AGMO: variants seen among roughly 807,000 people sequenced by gnomAD.
AGMO encodes glyceryl-ether monooxygenase.
Under a neutral mutation model 60.2 loss-of-function variants are expected in AGMO, and 75 were observed. The observed-to-expected ratio is 1.25, with a 90% CI of 1.03 to 1.51. The LOEUF is 1.51. Among genes scored for constraint, AGMO ranks in the 40% most tolerant of loss-of-function variants. AGMO has a pLI of 0.00. For synonymous variants in AGMO, 261 were observed against 177.1 expected (o/e 1.47, Z -3.76); for missense variants, 763 against 525.5 (o/e 1.45, Z -4.42).
chr7:15,399,810 T>C (rs1784507541), intron 5 of AGMO, among the ~76,000 whole-genome samples: 1 of 152,198 alleles, frequency 6.6e-6, no homozygotes, highest in African/African-American at 2.4e-5. Flanking sequence ...AGACTCCTTG[T>C]AATGAACCAA....
chr7:15,122,252 C>T, the AGMO span, among the ~76,000 whole-genome samples: 2 of 152,088 alleles, frequency 1.3e-5, no homozygotes, highest in Non-Finnish European at 2.9e-5. Context: ...ACGATATGAA[C>T]AGACACTTCT....
intron 4 of AGMO, among the ~76,000 whole-genome samples, chr7:15,426,868 G>T (rs908372412): frequency 1.1e-4 from 16 of 152,162 alleles, no homozygotes; most frequent in African/African-American, 3.6e-4. Context: ...TAGATTGAGA[G>T]AAGTGAAAAT....
Position 15,491,518 on chromosome 7 carries a change from T to C in AGMO, c.409+53254A>G, listed in dbSNP as rs1783066117. The stretch of plus-strand genomic sequence containing the variant: ...GTGCCATACCACAAAGTAAGTGCTA[T>C]ATAAAAAGTTCTAAGGACTTTAATA... On this transcript the variant is annotated intron_variant, in intron 3 of 12. Coordinates refer to ENST00000342526, the MANE Select transcript of AGMO (RefSeq NM_001004320.2). Among the ~76,000 whole-genome samples, 2 of 152,320 alleles carry C rather than the reference T, an allele frequency of 1.3e-5. 1 individual carries two copies. The highest frequency in any genetic ancestry group is 4.1e-4 in the South Asian group (2 of 4,832).
the AGMO span, among the ~76,000 whole-genome samples, chr7:15,138,714 C>T: frequency 0.45 from 68,234 of 151,828 alleles, 15,686 homozygotes; most frequent in East Asian, 0.66. Flanking sequence ...CAGCCTGAGA[C>T]GGTAACATAA....
chr7:15,237,909 T>C (rs62448957), intron 12 of AGMO, among the ~76,000 whole-genome samples: 18,139 of 152,070 alleles, frequency 0.12, 1,163 homozygotes, highest in East Asian at 0.2. Context: ...CTCCATATAG[T>C]CTTTCTCAGA....
chr7:15,372,004 A>C (rs1269696733), intron 10 of AGMO, among the ~76,000 whole-genome samples: 1 of 152,166 alleles, frequency 6.6e-6, no homozygotes, highest in African/African-American at 2.4e-5. Flanking sequence ...TATCCCAAAA[A>C]TGAGTTTAAA....
intron 12 of AGMO, among the ~76,000 whole-genome samples, chr7:15,273,961 T>C (rs1371176516): frequency 1.3e-5 from 2 of 152,196 alleles, no homozygotes; most frequent in Non-Finnish European, 2.9e-5. Flanking sequence ...GTGATTTTTG[T>C]ACATTGATTT....
At chr7:15,248,862 C>T (rs191356224) in intron 12 of AGMO, among the ~76,000 whole-genome samples, 124 of 152,288 alleles carry the variant, frequency 8.1e-4, no homozygotes, top group Admixed American at 5.8e-3. Flanking sequence ...CTTGTTTCTA[C>T]AACGCCAATC....
At chr7:15,378,771 T>C (rs1783559528) in intron 10 of AGMO, among the ~76,000 whole-genome samples, 2 of 151,526 alleles carry the variant, frequency 1.3e-5, no homozygotes, top group African/African-American at 4.9e-5. Context: ...CTCAGTGATG[T>C]CTAAAAGCAT....
chr7:15,187,494 T>C, the AGMO span, among the ~76,000 whole-genome samples: 3 of 152,326 alleles, frequency 2.0e-5, no homozygotes, highest in African/African-American at 7.2e-5. Flanking sequence ...TAAAAATCCT[T>C]TCATCACGTT....
intron 3 of AGMO, among the ~76,000 whole-genome samples, chr7:15,475,342 C>G (rs1426934655): frequency 6.6e-6 from 1 of 152,044 alleles, no homozygotes; most frequent in Non-Finnish European, 1.5e-5. Flanking sequence ...ACATATACAC[C>G]ATGTAATACT....
intron 12 of AGMO, among the ~76,000 whole-genome samples, chr7:15,291,234 A>G (rs1345458501): frequency 6.6e-6 from 1 of 152,150 alleles, no homozygotes; most frequent in African/African-American, 2.4e-5. Context: ...AGGTGTATAT[A>G]CCTACATTAA....
the AGMO span, among the ~76,000 whole-genome samples, chr7:15,144,474 A>G: frequency 6.6e-6 from 1 of 152,256 alleles, no homozygotes; most frequent in Non-Finnish European, 1.5e-5. Context: ...AGAAATGCAA[A>G]TGAGAAAAAT....
chr7:15,534,999 C>T (rs897244432), intron 3 of AGMO, among the ~76,000 whole-genome samples: 2 of 151,826 alleles, frequency 1.3e-5, no homozygotes, highest in African/African-American at 4.8e-5. Flanking sequence ...AGTGTTTTGT[C>T]CATTTTTACT....
At chr7:15,288,196 TTTA>T (rs1294402446) in intron 12 of AGMO, among the ~76,000 whole-genome samples, 12 of 151,946 alleles carry the variant, frequency 7.9e-5, no homozygotes, top group Admixed American at 7.2e-4. Flanking sequence ...GCTAATTTTT[TTTA>T]TTATTATTAT....
At chr7:15,163,055 T>C in the AGMO span, among the ~76,000 whole-genome samples, 1 of 152,150 alleles carries the variant, frequency 6.6e-6, no homozygotes, top group African/African-American at 2.4e-5. Context: ...GATAAATGCA[T>C]TTCTAGGTAT....
At chr7:15,192,789 T>C in the AGMO span, among the ~76,000 whole-genome samples, 3 of 152,006 alleles carry the variant, frequency 2.0e-5, no homozygotes, top group African/African-American at 7.2e-5. Context: ...CCCCCTCCCA[T>C]AAGGAGTTTG....
chr7:15,383,748 T>A (rs1210817467), intron 10 of AGMO, among the ~76,000 whole-genome samples: 4 of 152,186 alleles, frequency 2.6e-5, no homozygotes, highest in Admixed American at 6.5e-5. Flanking sequence ...TGATTTATTA[T>A]TCTCTGTATT....
intron 12 of AGMO, among the ~76,000 whole-genome samples, chr7:15,253,802 ATGTAAC>A (rs1316777952): frequency 6.6e-6 from 1 of 152,138 alleles, no homozygotes; most frequent in East Asian, 1.9e-4. Context: ...TATTCCTCCT[ATGTAAC>A]TGTAACACCG....
Sources: gnomAD v4.1 joint callset for allele counts (sites outside exome capture counted in the v4.1 genomes callset) on GRCh38, gnomAD v4.1.1 for gene constraint, MANE v1.5 for transcripts, NCBI Gene and HGNC (gene_info 2026-07-23, HGNC 2026-07-21) for gene names.